Variants in SYT1 observed in about 807,000 individuals in gnomAD.
SYT1 encodes the protein synaptotagmin-1.
SYT1 carries 8 observed loss-of-function variants against 44.8 expected under a neutral mutation model. The observed-to-expected ratio is 0.18, with a 90% CI of 0.10 to 0.32. The LOEUF is 0.32. Among genes scored for constraint, SYT1 ranks in the 10% least tolerant of loss-of-function variants. The pLI, the probability that SYT1 is intolerant of heterozygous loss-of-function variation, is 1.00. For missense variants in SYT1, 286 were observed against 509.3 expected (o/e 0.56, Z 4.22); for synonymous variants, 154 against 188.8 (o/e 0.82, Z 1.51).
chr12:78,904,502 C>T (rs901163592), intron 1 of SYT1, among the ~76,000 whole-genome samples: 7 of 152,108 alleles, frequency 4.6e-5, no homozygotes, highest in Non-Finnish European at 5.9e-5. Flanking sequence ...GTATCTCGAC[C>T]TAACTCTGCC....
chr12:78,996,867 A>G (rs1040854602), intron 2 of SYT1, among the ~76,000 whole-genome samples: 1 of 152,234 alleles, frequency 6.6e-6, no homozygotes, highest in Non-Finnish European at 1.5e-5. Context: ...TTATTCACAG[A>G]ATAAATATAG....
At chr12:78,934,777 T>C (rs1877958776) in intron 1 of SYT1, among the ~76,000 whole-genome samples, 1 of 152,206 alleles carries the variant, frequency 6.6e-6, no homozygotes. Context: ...CAAGGCTCTC[T>C]CTAAAGAATG....
intron 1 of SYT1, chr12:78,955,647 A>G (rs148730481): frequency 1.3e-5 from 2 of 152,226 alleles, no homozygotes; most frequent in African/African-American, 2.4e-5. Context: ...CCCACCTCTT[A>G]ATGCCATTTT....
chr12:79,409,429 C>A (rs1868340148), intron 9 of SYT1, among the ~76,000 whole-genome samples: 1 of 151,960 alleles, frequency 6.6e-6, no homozygotes, highest in Non-Finnish European at 1.5e-5. Context: ...GATTTATAAG[C>A]CATGCAACTG....
At chr12:78,872,490 C>G (rs534384686) in intron 1 of SYT1, among the ~76,000 whole-genome samples, 2 of 151,866 alleles carry the variant, frequency 1.3e-5, no homozygotes, top group African/African-American at 4.8e-5. Context: ...ACCTCACAGC[C>G]TGAATAGGAA....
Position 79,349,240 on chromosome 12 carries a change from T to G in SYT1, c.811-4262T>G, listed in dbSNP as rs80309331. ...AAGGAAGGATCTAACTTGAGAGACA[T>G]TTACAAAATGAGAAATATCAGGACT... On this transcript the variant is annotated intron_variant, in intron 8 of 10. Transcript: ENST00000261205. Among the ~76,000 whole-genome samples, 2,004 of 151,598 alleles carry G rather than the reference T, an allele frequency of 0.013. 104 individuals carry two copies. In the East Asian group the frequency reaches 0.14, roughly 11 times the overall value.
chr12:79,017,909 G>A (rs932857054), intron 2 of SYT1, among the ~76,000 whole-genome samples: 20 of 152,006 alleles, frequency 1.3e-4, no homozygotes, highest in African/African-American at 4.3e-4. Flanking sequence ...AGGTCAGTAG[G>A]GATGGTTTAA....
intron 9 of SYT1, among the ~76,000 whole-genome samples, chr12:79,410,068 A>G (rs1012286950): frequency 6.6e-6 from 1 of 152,088 alleles, no homozygotes; most frequent in Non-Finnish European, 1.5e-5. Flanking sequence ...GTGTGTTTAC[A>G]GAGGCAGTGT....
At chr12:79,019,943 CTT>C (rs1323768190) in intron 2 of SYT1, among the ~76,000 whole-genome samples, 1 of 151,894 alleles carries the variant, frequency 6.6e-6, no homozygotes, top group Admixed American at 6.6e-5. Flanking sequence ...CCACAGGACA[CTT>C]ATCCAAAGAG....
chr12:79,201,080 T>C (rs1440217850), intron 3 of SYT1, among the ~76,000 whole-genome samples: 1 of 152,232 alleles, frequency 6.6e-6, no homozygotes, highest in East Asian at 1.9e-4. Flanking sequence ...ACTTCCTTCA[T>C]TGTTGATGCC....
At chr12:79,374,855 C>T (rs1883929164) in intron 9 of SYT1, among the ~76,000 whole-genome samples, 2 of 152,124 alleles carry the variant, frequency 1.3e-5, no homozygotes, top group Non-Finnish European at 2.9e-5. Flanking sequence ...TCAGGGAGAT[C>T]CACTTTAAAA....
chr12:79,013,782 G>T (rs561507851), intron 2 of SYT1, among the ~76,000 whole-genome samples: 120 of 152,176 alleles, frequency 7.9e-4, no homozygotes, highest in Non-Finnish European at 1.4e-3. Flanking sequence ...AGCTTATGAA[G>T]GTTTTCTTCA....
intron 9 of SYT1, among the ~76,000 whole-genome samples, chr12:79,359,742 A>G (rs1025508988): frequency 1.2e-4 from 19 of 152,126 alleles, no homozygotes; most frequent in African/African-American, 4.1e-4. Context: ...AATGTTAATC[A>G]TGGGTTTGTC....
At chr12:79,251,982 T>TAGATAGATAGATA (rs1555211615) in intron 4 of SYT1, among the ~76,000 whole-genome samples, 169 of 149,934 alleles carry the variant, frequency 1.1e-3, no homozygotes, top group African/African-American at 2.1e-3. Flanking sequence ...GATAGATGAT[T>TAGATAGATAGATA]GATAGATAGA....
At chr12:79,372,868 C>T (rs1883848250) in intron 9 of SYT1, among the ~76,000 whole-genome samples, 3 of 127,892 alleles carry the variant, frequency 2.3e-5, no homozygotes, top group Admixed American at 7.1e-5. Flanking sequence ...TGCACCCCAT[C>T]TGAGTTCAGC....
rs1951335966 is a variant in SYT1 at position 79,449,755 on chromosome 12, A to G, written c.*631A>G. 2 of 152,360 alleles carry G rather than the reference A, an allele frequency of 1.3e-5. No individual in the cohort carries two copies. Among genetic ancestry groups the G allele is most frequent in the South Asian group, 4.1e-4 (2 of 4,832 alleles). The allele number at this position is 152,360 out of a possible 1,614,324, so 9.4% of individuals were successfully genotyped here. On this transcript the variant is annotated 3_prime_UTR_variant, in exon 11 of 11. Transcript: ENST00000261205. Reference sequence around the variant, plus strand: ...ACAGGCAAAATAGCATGATCTGAGCAGCAGCATCCAGGCTGACCTCAAGGA... The same window carrying G: ...ACAGGCAAAATAGCATGATCTGAGCGGCAGCATCCAGGCTGACCTCAAGGA...
rs1871016169 is a variant in SYT1, at chr12:79,450,814, A to G, written c.*1690A>G. On this transcript the variant is annotated 3_prime_UTR_variant, in exon 11 of 11. Transcript: ENST00000261205. ...ACAGCATTTTGTCAAGCACTGTGCA[A>G]TATTCCATATTTTTCCCCACTATGG... 2 of 152,650 alleles carry G rather than the reference A, an allele frequency of 1.3e-5. No homozygotes were observed. Among genetic ancestry groups the G allele is most frequent in the South Asian group, 4.1e-4 (2 of 4,826 alleles). The allele number at this position is 152,650 out of a possible 1,614,324, so 9.5% of individuals were successfully genotyped here.
At chr12:79,221,519 T>A (rs2138578710) in intron 4 of SYT1, among the ~76,000 whole-genome samples, 1 of 152,270 alleles carries the variant, frequency 6.6e-6, no homozygotes, top group African/African-American at 2.4e-5. Context: ...GCTAAATGAT[T>A]TTTCTCTAGT....
chr12:79,374,566 G>A lies in SYT1; in HGVS notation c.928+20947G>A, dbSNP rs977504312. Among the ~76,000 whole-genome samples, 6 of 152,254 alleles carry A rather than the reference G, an allele frequency of 3.9e-5. No homozygotes were observed. In the East Asian group the frequency reaches 1.2e-3, roughly 29 times the overall value. On this transcript the variant is annotated intron_variant, in intron 9 of 10. Transcript: ENST00000261205. ...GGTTTTAAAAAGAAAAACAGATGATGTAAAGAGGCACTAAACCAGATTAGT... is the reference window on the plus strand; with the variant it reads ...GGTTTTAAAAAGAAAAACAGATGATATAAAGAGGCACTAAACCAGATTAGT...
Sources: allele counts gnomAD v4.1 joint callset (sites outside exome capture counted in the v4.1 genomes callset), GRCh38; gene constraint gnomAD v4.1.1; transcripts MANE v1.5; gene names NCBI Gene and HGNC (gene_info 2026-07-23, HGNC 2026-07-21).